The following GRM1 variants were observed in gnomAD, a reference collection of about 807,000 sequenced individuals.
GRM1 encodes the protein metabotropic glutamate receptor 1.
In GRM1, 33 loss-of-function variants were observed where a neutral mutation model predicts 90.9. That is an observed-to-expected ratio of 0.36 (90% CI 0.28 to 0.49). GRM1 has a LOEUF of 0.49. Ranked by LOEUF, GRM1 falls within the 20% of genes least tolerant of loss-of-function variation. The pLI, the probability that GRM1 is intolerant of heterozygous loss-of-function variation, is 0.99. For synonymous variants in GRM1, 700 were observed against 613.2 expected, an observed-to-expected ratio of 1.14 and a Z score of -2.09; for missense variants, 1,190 against 1,534.3, an observed-to-expected ratio of 0.78 and a Z score of 3.75.
chr6:146,434,055 T>C lies in GRM1; in HGVS notation c.2844T>C (p.Asp948=), dbSNP rs1292336535. Residue 948 remains aspartate (D), a synonymous_variant, in exon 8 of 8, where the codon GAT becomes GAC. Coordinates refer to ENST00000282753, the MANE Select transcript of GRM1 (RefSeq NM_001278064.2). ...QGSGKSLTFS[D]TSTKTLYNVE... ...CTGGCAAGAGCCTGACCTTTTCAGA[T>C]ACCAGCACCAAGACCCTTTACAACG... 7 of 1,614,182 alleles carry C rather than the reference T, an allele frequency of 4.3e-6. No individual in the cohort carries two copies. The highest frequency in any genetic ancestry group is 1.6e-4 in the Middle Eastern group (1 of 6,062).
intron 1 of GRM1, among the ~76,000 whole-genome samples, chr6:146,145,307 A>G (rs1777052692): frequency 6.6e-6 from 1 of 152,182 alleles, no homozygotes; most frequent in Non-Finnish European, 1.5e-5. Flanking sequence ...TCCTCAGGAC[A>G]ATGGAAGAAA....
At chr6:146,066,537 G>A (rs980980355) in intron 1 of GRM1, among the ~76,000 whole-genome samples, 4 of 152,026 alleles carry the variant, frequency 2.6e-5, no homozygotes, top group African/African-American at 9.7e-5. Context: ...GTGTCTTTTT[G>A]GTCGAACAGT....
intron 2 of GRM1, among the ~76,000 whole-genome samples, chr6:146,268,153 A>G (rs1432587156): frequency 6.6e-6 from 1 of 152,178 alleles, no homozygotes; most frequent in Non-Finnish European, 1.5e-5. Context: ...AAGACTTGAC[A>G]TGTTTTCACT....
intron 7 of GRM1, among the ~76,000 whole-genome samples, chr6:146,402,477 T>C (rs922543664): frequency 2.6e-5 from 4 of 152,100 alleles, no homozygotes; most frequent in Non-Finnish European, 5.9e-5. Flanking sequence ...GCACAAACAG[T>C]CTAATATTTT....
At chr6:146,389,021 T>C (rs1215510134) in intron 6 of GRM1, among the ~76,000 whole-genome samples, 2 of 152,014 alleles carry the variant, frequency 1.3e-5, no homozygotes, top group Admixed American at 1.3e-4. Context: ...TCCAACCTCA[T>C]TTTGGACTCA....
intron 1 of GRM1, among the ~76,000 whole-genome samples, chr6:146,045,346 G>A (rs893910185): frequency 1.4e-4 from 21 of 151,778 alleles, no homozygotes; most frequent in Non-Finnish European, 2.1e-4. Context: ...GCCTTCTCCC[G>A]CTAGAATACT....
At chr6:146,109,736 A>G (rs1775478618) in intron 1 of GRM1, among the ~76,000 whole-genome samples, 1 of 152,178 alleles carries the variant, frequency 6.6e-6, no homozygotes, top group African/African-American at 2.4e-5. Flanking sequence ...GCCCACGAAA[A>G]CAGCCAGAAG....
chr6:146,335,048 G>C (rs549999099), intron 3 of GRM1, among the ~76,000 whole-genome samples: 1 of 152,132 alleles, frequency 6.6e-6, no homozygotes, highest in Non-Finnish European at 1.5e-5. Flanking sequence ...AAATATGACT[G>C]TCCAGTTGCA....
At chr6:146,264,859 C>T (rs1327937992) in intron 2 of GRM1, among the ~76,000 whole-genome samples, 1 of 152,102 alleles carries the variant, frequency 6.6e-6, no homozygotes, top group Admixed American at 6.5e-5. Context: ...GCACAAAAGA[C>T]ATGATTTTAT....
intron 1 of GRM1, among the ~76,000 whole-genome samples, chr6:146,115,371 C>T (rs1004056381): frequency 6.6e-6 from 1 of 152,000 alleles, no homozygotes; most frequent in African/African-American, 2.4e-5. Flanking sequence ...TGACACATAG[C>T]ATGTTCTCAA....
chr6:146,144,921 G>T (rs1456015701), intron 1 of GRM1, among the ~76,000 whole-genome samples: 1 of 152,202 alleles, frequency 6.6e-6, no homozygotes, highest in Non-Finnish European at 1.5e-5. Flanking sequence ...GAAGAAAAAA[G>T]TATAGGAAAC....
intron 7 of GRM1, 83 bp from the exon 8 acceptor site, chr6:146,433,789 C>G: frequency 1.0e-6 from 1 of 979,978 alleles, no homozygotes. Context: ...TCACACTGAG[C>G]TAGGTTTGCA....
intron 3 of GRM1, among the ~76,000 whole-genome samples, chr6:146,342,199 T>G (rs1398432780): frequency 6.6e-6 from 1 of 152,190 alleles, no homozygotes; most frequent in East Asian, 1.9e-4. Flanking sequence ...GCCTGTTGAT[T>G]TTTAACCTCC....
chr6:146,172,745 G>T (rs901140442), intron 2 of GRM1, among the ~76,000 whole-genome samples: 8 of 152,076 alleles, frequency 5.3e-5, no homozygotes, highest in African/African-American at 1.9e-4. Context: ...AGTCTTAGAG[G>T]GTAGGTTAGT....
chr6:146,368,274 G>A (rs1365784399), intron 5 of GRM1, among the ~76,000 whole-genome samples: 2 of 143,052 alleles, frequency 1.4e-5, no homozygotes, highest in African/African-American at 5.3e-5. Context: ...GGGGGGGGTA[G>A]AATCTTTAGA....
chr6:146,430,266 T>C lies in GRM1; in HGVS notation c.2661-3606T>C, dbSNP rs1001002280. 5.9e-5 allele frequency among the ~76,000 whole-genome samples: 9 copies of C among 152,226 alleles called. 1 individual carries two copies. The highest frequency in any genetic ancestry group is 8.8e-5 in the Non-Finnish European group (6 of 68,036). Reference sequence around the variant, plus strand: ...AAACCAAAGCAAGATCCCGAACCTGTTGTTGCTGGAACTGCAACCTCAGGC... The same window carrying C: ...AAACCAAAGCAAGATCCCGAACCTGCTGTTGCTGGAACTGCAACCTCAGGC... On this transcript the variant is annotated intron_variant, in intron 7 of 7. Transcript: ENST00000282753.
chr6:146,156,856 A>G (rs1454392147), intron 1 of GRM1, among the ~76,000 whole-genome samples: 2 of 152,198 alleles, frequency 1.3e-5, no homozygotes, highest in Admixed American at 1.3e-4. Flanking sequence ...GTAGTTCTCA[A>G]ATTTTGTTAT....
intron 1 of GRM1, among the ~76,000 whole-genome samples, chr6:146,032,197 G>GT (rs1328469746): frequency 1.3e-5 from 2 of 152,082 alleles, no homozygotes; most frequent in Non-Finnish European, 2.9e-5. Context: ...TCTGATTGGT[G>GT]TTGTATGGCA....
intron 2 of GRM1, among the ~76,000 whole-genome samples, chr6:146,196,012 T>C (rs1264452749): frequency 2.0e-5 from 3 of 152,152 alleles, no homozygotes; most frequent in Non-Finnish European, 4.4e-5. Flanking sequence ...TTTGTTCAGT[T>C]TAGTATTTTC....
Sources: gnomAD v4.1 joint callset for allele counts (sites outside exome capture counted in the v4.1 genomes callset) on GRCh38, gnomAD v4.1.1 for gene constraint, MANE v1.5 for transcripts, NCBI Gene and HGNC (gene_info 2026-07-23, HGNC 2026-07-21) for gene names.